ZNF521: variants seen among roughly 807,000 people sequenced by gnomAD.
ZNF521 encodes the protein zinc finger protein 521.
Under a neutral mutation model 105.5 loss-of-function variants are expected in ZNF521, and 14 were observed. The ratio of observed to expected loss-of-function variants is 0.13; its 90% confidence interval spans 0.09 to 0.21. The LOEUF (loss-of-function observed/expected upper bound fraction) is 0.21, where lower values mean the gene tolerates loss of function less well. ZNF521 is among the 10% of genes least tolerant of loss of function. The pLI is 1.00. For missense variants in ZNF521, 1,233 were observed against 1,629.7 expected (o/e 0.76, Z 4.19); for synonymous variants, 635 against 606.0 (o/e 1.05, Z -0.70).
At chr18:25,314,664 C>T (rs1411522118) in intron 3 of ZNF521, among the ~76,000 whole-genome samples, 1 of 152,190 alleles carries the variant, frequency 6.6e-6, no homozygotes, top group Non-Finnish European at 1.5e-5. Flanking sequence ...TACTACCACA[C>T]ATATTTCTAC....
intron 4 of ZNF521, among the ~76,000 whole-genome samples, chr18:25,196,843 T>C (rs952362698): frequency 1.3e-5 from 2 of 151,844 alleles, no homozygotes; most frequent in Non-Finnish European, 2.9e-5. Context: ...CATTATATAT[T>C]GTTTATTAGC....
chr18:25,062,537 C>A lies in ZNF521; in HGVS notation c.*175G>T, dbSNP rs952440886. ...AACACTTTATATACAAGGGGTCTAT[C>A]CGGTGCGCAAAAGTTCAAACACATG... On this transcript the variant is annotated 3_prime_UTR_variant, in exon 8 of 8. Transcript: ENST00000361524. 3 of 783,722 alleles carry A rather than the reference C, an allele frequency of 3.8e-6. No individual in the cohort carries two copies. The highest frequency in any genetic ancestry group is 5.7e-5 in the Admixed American group (2 of 35,336). 48.5% of individuals were successfully genotyped at this position (783,722 alleles called of 1,614,324 possible).
chr18:25,280,844 T>C (rs1910326227), intron 3 of ZNF521, among the ~76,000 whole-genome samples: 1 of 152,206 alleles, frequency 6.6e-6, no homozygotes, highest in Non-Finnish European at 1.5e-5. Context: ...ACATCAAAGA[T>C]TGATCAAGGA....
At chr18:25,078,881 G>T (rs1050788415) in intron 7 of ZNF521, among the ~76,000 whole-genome samples, 2 of 152,212 alleles carry the variant, frequency 1.3e-5, no homozygotes, top group South Asian at 2.1e-4. Context: ...AGTGCAGAGG[G>T]CGGGGGAGGT....
intron 4 of ZNF521, among the ~76,000 whole-genome samples, chr18:25,205,399 A>C (rs2144666526): frequency 6.6e-6 from 1 of 152,300 alleles, no homozygotes; most frequent in Non-Finnish European, 1.5e-5. Context: ...TCAGAAACAA[A>C]CCTGAGAAGG....
intron 5 of ZNF521, among the ~76,000 whole-genome samples, chr18:25,173,396 G>A (rs139773661): frequency 4.5e-4 from 68 of 152,226 alleles, no homozygotes; most frequent in African/African-American, 1.6e-3. Flanking sequence ...TCCATCCCAA[G>A]CCTTTCTCCC....
intron 5 of ZNF521, among the ~76,000 whole-genome samples, chr18:25,180,257 A>C (rs141000443): frequency 3.3e-5 from 5 of 152,298 alleles, no homozygotes; most frequent in African/African-American, 1.2e-4. Context: ...TAACTAAAGA[A>C]GTTACAATTG....
intron 3 of ZNF521, among the ~76,000 whole-genome samples, chr18:25,278,446 T>G (rs1408602573): frequency 6.6e-6 from 1 of 152,202 alleles, no homozygotes; most frequent in African/African-American, 2.4e-5. Context: ...TAAGTCCCAT[T>G]AATGCTAATG....
intron 3 of ZNF521, among the ~76,000 whole-genome samples, chr18:25,293,853 AT>A (rs1389859724): frequency 2.6e-5 from 4 of 152,194 alleles, no homozygotes; most frequent in Non-Finnish European, 5.9e-5. Flanking sequence ...TTAAAAATCC[AT>A]TTTTAAGAGA....
intron 7 of ZNF521, among the ~76,000 whole-genome samples, chr18:25,076,971 T>C (rs2033377051): frequency 6.6e-6 from 1 of 152,128 alleles, no homozygotes; most frequent in African/African-American, 2.4e-5. Flanking sequence ...GAGTAGTGAG[T>C]ACAAACTTAT....
intron 5 of ZNF521, among the ~76,000 whole-genome samples, chr18:25,165,092 T>C (rs1053942801): frequency 1.3e-5 from 2 of 152,230 alleles, no homozygotes; most frequent in East Asian, 1.9e-4. Flanking sequence ...TAACCCCATA[T>C]GGTTTTTCAG....
At chr18:25,131,805 G>A (rs1000557999) in intron 5 of ZNF521, among the ~76,000 whole-genome samples, 8 of 152,064 alleles carry the variant, frequency 5.3e-5, no homozygotes, top group Admixed American at 5.2e-4. Flanking sequence ...ATTCTCACTT[G>A]TATATATAGT....
chr18:25,211,926 T>C (rs966751757), intron 4 of ZNF521, among the ~76,000 whole-genome samples: 10 of 152,238 alleles, frequency 6.6e-5, no homozygotes, highest in Admixed American at 6.5e-5. Context: ...TCCATATAGA[T>C]AATGAGTTGA....
chr18:25,162,182 A>G (rs963204915), intron 5 of ZNF521, among the ~76,000 whole-genome samples: 5 of 152,190 alleles, frequency 3.3e-5, no homozygotes, highest in African/African-American at 9.7e-5. Context: ...CAAATGTTCA[A>G]TGTTACAAAT....
At chr18:25,250,811 G>C (rs1256179861) in intron 3 of ZNF521, among the ~76,000 whole-genome samples, 1 of 152,106 alleles carries the variant, frequency 6.6e-6, no homozygotes, top group African/African-American at 2.4e-5. Flanking sequence ...AATTTAAAAT[G>C]TCTCATGTAA....
chr18:25,204,373 C>T (rs2036043836), intron 4 of ZNF521, among the ~76,000 whole-genome samples: 1 of 151,756 alleles, frequency 6.6e-6, no homozygotes, highest in African/African-American at 2.4e-5. Context: ...TCAAAGGTAT[C>T]CCCAATAGTC....
intron 2 of ZNF521, among the ~76,000 whole-genome samples, chr18:25,350,113 AC>A (rs1235430306): frequency 6.7e-6 from 1 of 150,222 alleles, no homozygotes; most frequent in East Asian, 2.0e-4. Flanking sequence ...AACTTCAGGG[AC>A]CCCCGCCCCC....
chr18:25,349,216 C>A (rs1568093231), intron 2 of ZNF521, among the ~76,000 whole-genome samples: 1 of 152,188 alleles, frequency 6.6e-6, no homozygotes. Context: ...CCTGGTACTT[C>A]GCTCAGCGTT....
chr18:25,351,093 G>A (rs1914736165), intron 1 of ZNF521, 146 bp from the exon 2 acceptor site: 1 of 365,052 alleles, frequency 2.7e-6, no homozygotes, highest in Non-Finnish European at 3.9e-6. Flanking sequence ...TCCTCGCTCC[G>A]GCTCCGGCTC....
Sources: allele counts gnomAD v4.1 joint callset (sites outside exome capture counted in the v4.1 genomes callset), GRCh38; gene constraint gnomAD v4.1.1; transcripts MANE v1.5; gene names NCBI Gene and HGNC (gene_info 2026-07-23, HGNC 2026-07-21).